Variants in CTNNA3 observed in about 807,000 individuals in gnomAD.
CTNNA3 encodes catenin alpha-3.
CTNNA3 carries 76 observed loss-of-function variants against 95.7 expected under a neutral mutation model. The observed-to-expected ratio is 0.79, with a 90% confidence interval of 0.66 to 0.96. The LOEUF is 0.96. Among genes scored for constraint, CTNNA3 ranks in the 40% least tolerant of loss-of-function variants. The pLI is 0.00. For synonymous variants in CTNNA3, 431 were observed against 374.4 expected (o/e 1.15, Z -1.74); for missense variants, 1,191 against 1,089.8 (o/e 1.09, Z -1.31).
chr10:67,570,505 T>G (rs796769896), intron 3 of CTNNA3, among the ~76,000 whole-genome samples: 2 of 152,186 alleles, frequency 1.3e-5, no homozygotes, highest in African/African-American at 4.8e-5. Flanking sequence ...TTGGGAATGT[T>G]TGATGTTCAA....
chr10:66,300,818 T>A (rs865873948), intron 12 of CTNNA3, among the ~76,000 whole-genome samples: 39 of 151,442 alleles, frequency 2.6e-4, no homozygotes, highest in Non-Finnish European at 8.8e-5. Context: ...GAAAATAAAT[T>A]ATACAAATTA....
At chr10:66,374,684 A>G (rs2092781803) in intron 12 of CTNNA3, among the ~76,000 whole-genome samples, 1 of 134,146 alleles carries the variant, frequency 7.5e-6, no homozygotes, top group South Asian at 2.3e-4. Context: ...GCAGGATCTC[A>G]GCTCACTGCA....
intron 5 of CTNNA3, among the ~76,000 whole-genome samples, chr10:67,252,044 T>C (rs947031523): frequency 3.9e-5 from 6 of 151,984 alleles, no homozygotes; most frequent in Non-Finnish European, 7.4e-5. Flanking sequence ...ACTCTGTCTC[T>C]ACCAAGAAAC....
intron 11 of CTNNA3, among the ~76,000 whole-genome samples, chr10:66,426,539 C>T (rs1285762128): frequency 1.3e-5 from 2 of 152,018 alleles, no homozygotes; most frequent in African/African-American, 2.4e-5. Context: ...GCTACAAGTA[C>T]ATTTCTAGGC....
intron 5 of CTNNA3, among the ~76,000 whole-genome samples, chr10:67,305,572 T>C (rs1840520137): frequency 6.6e-6 from 1 of 151,970 alleles, no homozygotes; most frequent in South Asian, 2.1e-4. Flanking sequence ...TTTTCCTTTT[T>C]AAAAGGTCAC....
chr10:66,419,339 T>C (rs1336768442), intron 11 of CTNNA3, among the ~76,000 whole-genome samples: 1 of 151,744 alleles, frequency 6.6e-6, no homozygotes, highest in Non-Finnish European at 1.5e-5. Flanking sequence ...ACCAATGAGG[T>C]GAAATATCTC....
At chr10:67,712,410 C>T (rs771247549) in intron 1 of CTNNA3, among the ~76,000 whole-genome samples, 3 of 152,224 alleles carry the variant, frequency 2.0e-5, no homozygotes, top group African/African-American at 4.8e-5. Flanking sequence ...GAGGTCTCCA[C>T]GGCAGCCCCT....
At chr10:66,657,429 C>T (rs1405053769) in intron 9 of CTNNA3, among the ~76,000 whole-genome samples, 1 of 152,074 alleles carries the variant, frequency 6.6e-6, no homozygotes, top group Non-Finnish European at 1.5e-5. Context: ...TTAAAAACAA[C>T]ACACATCCCA....
intron 5 of CTNNA3, among the ~76,000 whole-genome samples, chr10:67,389,931 C>T (rs1844382880): frequency 6.6e-6 from 1 of 150,392 alleles, no homozygotes; most frequent in African/African-American, 2.4e-5. Flanking sequence ...AAATTTATAG[C>T]ACTAAATGCC....
intron 13 of CTNNA3, among the ~76,000 whole-genome samples, chr10:66,212,232 C>G (rs1452906019): frequency 4.6e-5 from 7 of 152,194 alleles, no homozygotes; most frequent in Non-Finnish European, 8.8e-5. Flanking sequence ...TTACGTGATC[C>G]ACCCACCTCG....
chr10:67,165,974 G>A (rs1372425707), intron 7 of CTNNA3, among the ~76,000 whole-genome samples: 2 of 152,124 alleles, frequency 1.3e-5, no homozygotes, highest in Non-Finnish European at 2.9e-5. Flanking sequence ...TCTCTTCCCA[G>A]TTGTAAGCCA....
chr10:66,640,250 T>G (rs1845470885), intron 9 of CTNNA3, among the ~76,000 whole-genome samples: 1 of 152,158 alleles, frequency 6.6e-6, no homozygotes, highest in Admixed American at 6.5e-5. Context: ...ATCTTTCAGC[T>G]GCTGGGGATA....
intron 10 of CTNNA3, among the ~76,000 whole-genome samples, chr10:66,586,187 C>A (rs1298251376): frequency 1.3e-5 from 2 of 152,006 alleles, no homozygotes; most frequent in African/African-American, 4.8e-5. Flanking sequence ...TGGTGTGCAC[C>A]TTTAAAAGTT....
chr10:66,075,362 T>C (rs373783811), intron 14 of CTNNA3, among the ~76,000 whole-genome samples: 20 of 151,958 alleles, frequency 1.3e-4, no homozygotes, highest in African/African-American at 3.9e-4. Context: ...GTATTAGTTA[T>C]ACAGCAATTA....
intron 15 of CTNNA3, among the ~76,000 whole-genome samples, chr10:66,031,141 C>T (rs1237209241): frequency 1.3e-5 from 2 of 152,026 alleles, no homozygotes; most frequent in African/African-American, 4.8e-5. Context: ...TATGGAAACT[C>T]GATTGGAGAT....
chr10:67,735,363 T>C (rs1390440388), intron 1 of CTNNA3, among the ~76,000 whole-genome samples: 1 of 152,118 alleles, frequency 6.6e-6, no homozygotes, highest in African/African-American at 2.4e-5. Context: ...AAATAAAATA[T>C]AGTACATCAA....
chr10:67,561,898 A>G (rs1841524874), intron 3 of CTNNA3, among the ~76,000 whole-genome samples: 1 of 152,240 alleles, frequency 6.6e-6, no homozygotes, highest in Non-Finnish European at 1.5e-5. Flanking sequence ...AAAGAAATGG[A>G]TAAATTCCTG....
chr10:65,983,446 T>A (rs1418124530), intron 16 of CTNNA3, among the ~76,000 whole-genome samples: 1 of 151,520 alleles, frequency 6.6e-6, no homozygotes, highest in African/African-American at 2.4e-5. Context: ...TTAGAATATC[T>A]GCTAATATGA....
At chr10:67,630,843 T>C (rs993796607) in intron 2 of CTNNA3, among the ~76,000 whole-genome samples, 1 of 152,216 alleles carries the variant, frequency 6.6e-6, no homozygotes, top group African/African-American at 2.4e-5. Context: ...TATAAAGAGT[T>C]TGTTATTACT....
Sources: gnomAD v4.1 joint callset for allele counts (sites outside exome capture counted in the v4.1 genomes callset) on GRCh38, gnomAD v4.1.1 for gene constraint, MANE v1.5 for transcripts, NCBI Gene and HGNC (gene_info 2026-07-23, HGNC 2026-07-21) for gene names.